Variants in CLVS1 observed in about 807,000 individuals in gnomAD.
CLVS1 encodes the protein clavesin-1.
Under a neutral mutation model 33.1 loss-of-function variants are expected in CLVS1, and 10 were observed. The ratio of observed to expected loss-of-function variants is 0.30; its 90% confidence interval spans 0.19 to 0.51. The LOEUF (loss-of-function observed/expected upper bound fraction) is 0.51, where lower values mean the gene tolerates loss of function less well. Ranked by LOEUF, CLVS1 falls within the 20% of genes least tolerant of loss-of-function variation. The probability of loss-of-function intolerance (pLI) is 0.97; values close to 1 mark genes in which losing one functional copy is unlikely to be tolerated. For synonymous variants in CLVS1, 163 were observed against 166.1 expected, an observed-to-expected ratio of 0.98 and a Z score of 0.14; for missense variants, 343 against 433.4, an observed-to-expected ratio of 0.79 and a Z score of 1.85.
chr8:61,257,046 CT>C (rs1809097180), intron 2 of CLVS1, among the ~76,000 whole-genome samples: 1 of 152,144 alleles, frequency 6.6e-6, no homozygotes, highest in East Asian at 1.9e-4. Context: ...TATTTTTCCC[CT>C]GAAACAACAC....
chr8:61,188,608 A>G (rs540772064), intron 2 of CLVS1, among the ~76,000 whole-genome samples: 1 of 152,274 alleles, frequency 6.6e-6, no homozygotes, highest in African/African-American at 2.4e-5. Flanking sequence ...ATATCAATAT[A>G]AAAATTAAAA....
At chr8:60,976,736 C>T in the CLVS1 span, among the ~76,000 whole-genome samples, 2 of 152,268 alleles carry the variant, frequency 1.3e-5, no homozygotes, top group Non-Finnish European at 2.9e-5. Flanking sequence ...AGCTGTTTGT[C>T]TAGCAGTGGC....
intron 2 of CLVS1, among the ~76,000 whole-genome samples, chr8:61,249,937 A>G (rs558064784): frequency 3.9e-5 from 6 of 152,238 alleles, no homozygotes; most frequent in African/African-American, 1.4e-4. Flanking sequence ...CCATTTGTCA[A>G]TTTTGGCTCC....
At chr8:61,068,201 ATATATATATATATATATGTATGTATGTG>A (rs1436630039) in intron 1 of CLVS1, among the ~76,000 whole-genome samples, 34 of 98,488 alleles carry the variant, frequency 3.5e-4, no homozygotes, top group African/African-American at 1.9e-3. Context: ...GTGTATATGT[ATATATATATATATATATGTATGTATGTG>A]TATATATATA....
At chr8:61,236,007 A>G (rs776660993) in intron 2 of CLVS1, among the ~76,000 whole-genome samples, 13 of 152,092 alleles carry the variant, frequency 8.5e-5, no homozygotes, top group Non-Finnish European at 1.3e-4. Flanking sequence ...CAATCTGTTG[A>G]GAGTTGCTAT....
At chr8:61,494,560 G>A (rs1804203434) in intron 5 of CLVS1, among the ~76,000 whole-genome samples, 1 of 152,182 alleles carries the variant, frequency 6.6e-6, no homozygotes, top group African/African-American at 2.4e-5. Flanking sequence ...CACCAAGAGT[G>A]ATCTGGACAA....
chr8:61,192,617 T>G (rs1331558753), intron 2 of CLVS1, among the ~76,000 whole-genome samples: 4 of 152,032 alleles, frequency 2.6e-5, no homozygotes, highest in Middle Eastern at 3.2e-3. Flanking sequence ...TGCAATCTGC[T>G]CATCTGACAA....
At chr8:61,465,954 T>C (rs1817534604) in intron 5 of CLVS1, 1 of 152,324 alleles carries the variant, frequency 6.6e-6, no homozygotes, top group South Asian at 2.1e-4. Flanking sequence ...TGAGCCACCA[T>C]GCCTGGCCTT....
At chr8:61,199,494 A>G (rs1312503475) in intron 2 of CLVS1, among the ~76,000 whole-genome samples, 1 of 152,250 alleles carries the variant, frequency 6.6e-6, no homozygotes, top group Admixed American at 6.5e-5. Flanking sequence ...TGACCATCAA[A>G]CATTGGAAAA....
At chr8:61,386,610 C>CAGTCTAGTGTTCATGATATA (rs1486928714) in intron 3 of CLVS1, among the ~76,000 whole-genome samples, 2 of 152,136 alleles carry the variant, frequency 1.3e-5, no homozygotes, top group African/African-American at 2.4e-5. Flanking sequence ...GCTCAGGAGG[C>CAGTCTAGTGTTCATGATATA]AGTCTAGTGT....
At chr8:61,463,058 G>A (rs541127072) in intron 5 of CLVS1, among the ~76,000 whole-genome samples, 147 of 152,318 alleles carry the variant, frequency 9.7e-4, no homozygotes, top group African/African-American at 3.2e-3. Flanking sequence ...CTTCTGGATA[G>A]CTTGCTTCAT....
chr8:61,385,156 C>T (rs538925920), intron 3 of CLVS1, among the ~76,000 whole-genome samples: 4 of 152,208 alleles, frequency 2.6e-5, no homozygotes, highest in Non-Finnish European at 5.9e-5. Context: ...AAGATTTTCA[C>T]GAGAAGAATA....
At chr8:61,330,909 C>G (rs1427741092) in intron 2 of CLVS1, among the ~76,000 whole-genome samples, 1 of 150,380 alleles carries the variant, frequency 6.6e-6, no homozygotes, top group Non-Finnish European at 1.5e-5. Flanking sequence ...GGGCAACATA[C>G]TGAAGCCCCA....
At chr8:61,448,351 C>T (rs1382275089) in intron 3 of CLVS1, among the ~76,000 whole-genome samples, 1 of 152,094 alleles carries the variant, frequency 6.6e-6, no homozygotes, top group Non-Finnish European at 1.5e-5. Flanking sequence ...GATCTCTCTC[C>T]TTCCTTTTAA....
intron 5 of CLVS1, among the ~76,000 whole-genome samples, chr8:61,495,570 T>G (rs149442709): frequency 2.0e-5 from 3 of 152,092 alleles, no homozygotes; most frequent in Non-Finnish European, 4.4e-5. Flanking sequence ...TCCAAAAGGA[T>G]GGAGATAGAT....
At chr8:61,290,398 T>C (rs1048893692) in intron 1 of CLVS1, among the ~76,000 whole-genome samples, 1 of 152,238 alleles carries the variant, frequency 6.6e-6, no homozygotes, top group Admixed American at 6.5e-5. Flanking sequence ...CAGAAATTAC[T>C]CATTTTTATA....
At chr8:61,052,175 A>T (rs1585572648), upstream of CLVS1, among the ~76,000 whole-genome samples, 1 of 152,240 alleles carries the variant, frequency 6.6e-6, no homozygotes, top group Non-Finnish European at 1.5e-5. Flanking sequence ...ATTGCAAGCT[A>T]TCCTTAGGTG....
intron 2 of CLVS1, among the ~76,000 whole-genome samples, chr8:61,143,032 A>G (rs370310512): frequency 6.6e-6 from 1 of 152,238 alleles, no homozygotes; most frequent in East Asian, 1.9e-4. Flanking sequence ...CTCTTCAGCT[A>G]TTGATATTAT....
intron 5 of CLVS1, among the ~76,000 whole-genome samples, chr8:61,475,899 A>G (rs958600340): frequency 1.4e-4 from 22 of 152,306 alleles, no homozygotes; most frequent in Admixed American, 2.0e-4. Flanking sequence ...AGTATTGCCT[A>G]GGTTTTCTTC....
Sources: gnomAD v4.1 joint callset for allele counts (sites outside exome capture counted in the v4.1 genomes callset) on GRCh38, gnomAD v4.1.1 for gene constraint, MANE v1.5 for transcripts, NCBI Gene and HGNC (gene_info 2026-07-23, HGNC 2026-07-21) for gene names.